EIF3K: variants seen among roughly 807,000 people sequenced by gnomAD.
The protein encoded by EIF3K is eukaryotic translation initiation factor 3 subunit K.
A neutral mutation model predicts 34.2 loss-of-function variants in EIF3K; 27 were observed. That is an observed-to-expected ratio of 0.79 (90% CI 0.58 to 1.09). EIF3K has a LOEUF of 1.09. Among genes scored for constraint, EIF3K ranks in the 50% least tolerant of loss-of-function variants. The pLI is 0.00. For missense variants in EIF3K, 232 were observed against 275.4 expected, an observed-to-expected ratio of 0.84 and a Z score of 1.11; for synonymous variants, 105 against 105.7, an observed-to-expected ratio of 0.99 and a Z score of 0.04.
intron 6 of EIF3K, 88 bp downstream of exon 6, chr19:38,632,766 C>A: frequency 2.4e-6 from 3 of 1,274,464 alleles, no homozygotes; most frequent in South Asian, 1.4e-5. Context: ...ACAGGCCTGT[C>A]TGGGTCTCAT....
At chr19:38,624,256 TGAATTCCCAGGGA>T (rs1975902884) in intron 3 of EIF3K, 59 bp downstream of exon 3, 1 of 1,608,238 alleles carries the variant, frequency 6.2e-7, no homozygotes, top group Admixed American at 1.7e-5. Context: ...TCAAGGTGCA[TGAATTCCCAGGGA>T]GATGGTCTGT....
chr19:38,635,024 C>G lies in EIF3K; in HGVS notation c.531C>G (p.Tyr177Ter), dbSNP rs150144747. Residue 177 changes from tyrosine (Y) to a stop codon, truncating the protein, a stop_gained, in exon 7 of 8, where the codon TAC (tyrosine) becomes TAG (stop). Transcript: ENST00000248342. LOFTEE classifies it high-confidence loss of function. The part of the protein sequence containing the change: ...DSQLKVWMSK[Y>*]GWSADESGQI... ...AGCTAAAGGTGTGGATGAGCAAATA[C>G]GGCTGGAGTGCCGACGAGTCGGGGC... 2 of 1,614,160 alleles carry G rather than the reference C, an allele frequency of 1.2e-6. No homozygotes were observed. Among genetic ancestry groups the G allele is most frequent in the Non-Finnish European group, 1.7e-6 (2 of 1,180,050 alleles).
intron 2 of EIF3K, 25 bp from the exon 3 acceptor site, chr19:38,624,052 C>T (rs780828869): frequency 6.2e-7 from 1 of 1,613,830 alleles, no homozygotes; most frequent in Non-Finnish European, 8.5e-7. Context: ...GCCACTGTGG[C>T]CACGTCTCTT....
chr19:38,622,621 C>T (rs1975866007), intron 2 of EIF3K, among the ~76,000 whole-genome samples: 1 of 152,210 alleles, frequency 6.6e-6, no homozygotes, highest in Non-Finnish European at 1.5e-5. Flanking sequence ...TATCAGGAGA[C>T]AGGGTTTTGA....
intron 6 of EIF3K, among the ~76,000 whole-genome samples, chr19:38,634,047 G>A (rs1450606184): frequency 2.0e-5 from 3 of 148,588 alleles, no homozygotes; most frequent in Non-Finnish European, 4.5e-5. Flanking sequence ...AAAGTACTGG[G>A]ATTACAGGCG....
intron 4 of EIF3K, among the ~76,000 whole-genome samples, chr19:38,629,492 C>T (rs1391196101): frequency 1.3e-5 from 2 of 152,096 alleles, no homozygotes; most frequent in Non-Finnish European, 2.9e-5. Flanking sequence ...GGTTGGATTT[C>T]GCCATGTTGA....
At chr19:38,631,361 A>G (rs2144777964) in intron 4 of EIF3K, among the ~76,000 whole-genome samples, 1 of 152,276 alleles carries the variant, frequency 6.6e-6, no homozygotes, top group African/African-American at 2.4e-5. Flanking sequence ...GTCATAGGAT[A>G]ATAGTGGAGA....
At chr19:38,634,887 A>AG in intron 6 of EIF3K, 106 bp from the exon 7 acceptor site, 1 of 1,520,680 alleles carries the variant, frequency 6.6e-7, no homozygotes, top group Non-Finnish European at 8.9e-7. Flanking sequence ...TCAGTGGGCA[A>AG]GGGGGGCTGC....
At chr19:38,635,242 G>C (rs1051168354) in intron 7 of EIF3K, 124 bp downstream of exon 7, 21 of 1,375,832 alleles carry the variant, frequency 1.5e-5, no homozygotes, top group African/African-American at 2.9e-5. Flanking sequence ...GTCTGCACCT[G>C]CCAGATTCCA....
intron 1 of EIF3K, 107 bp from the exon 2 acceptor site, chr19:38,620,230 T>G (rs1904726951): frequency 8.1e-6 from 7 of 860,740 alleles, no homozygotes; most frequent in Non-Finnish European, 1.3e-5. Context: ...GTGCCAGATT[T>G]AGAGGGGAAG....
chr19:38,624,111 G>T lies in EIF3K; in HGVS notation c.193G>T (p.Val65Phe), dbSNP rs1451207968. Reference protein sequence around the residue: ...QFNPAFFQTTVTAQILLKALT... With the variant: ...QFNPAFFQTTFTAQILLKALT... ...CAACCCAGCCTTCTTTCAGACCACG[G>T]TCACCGCCCAGATCCTGCTGAAGGC... Residue 65 changes from valine (V) to phenylalanine (F), a missense_variant, in exon 3 of 8, where the codon GTC (valine) becomes TTC (phenylalanine). Val to Phe is a conservative substitution (Grantham distance 50). Transcript: ENST00000248342. 2 of 1,614,024 alleles carry T rather than the reference G, an allele frequency of 1.2e-6. No homozygotes were observed. The highest frequency in any genetic ancestry group is 1.7e-6 in the Non-Finnish European group (2 of 1,180,040).
chr19:38,625,518 C>CTTTTTTTTTTTT (rs58008087), intron 3 of EIF3K, among the ~76,000 whole-genome samples: 27 of 145,828 alleles, frequency 1.9e-4, no homozygotes, highest in African/African-American at 6.6e-4. Context: ...TTAATATTTT[C>CTTTTTTTTTTTT]TTTTTTTTTG....
At chr19:38,634,134 C>T (rs1261982884) in intron 6 of EIF3K, among the ~76,000 whole-genome samples, 1 of 122,424 alleles carries the variant, frequency 8.2e-6, no homozygotes, top group Non-Finnish European at 1.6e-5. Context: ...GAGTCTGGCT[C>T]TGTCACCCAG....
intron 3 of EIF3K, among the ~76,000 whole-genome samples, 181 bp downstream of exon 3, chr19:38,624,378 C>T (rs1039894230): frequency 6.6e-6 from 1 of 152,106 alleles, no homozygotes; most frequent in Non-Finnish European, 1.5e-5. Flanking sequence ...TGGGCCCTGT[C>T]TTCACAAAGT....
rs571086594 is a variant in EIF3K at position 38,619,391 on chromosome 19, C to T, written c.59+64C>T. 1.4e-4 allele frequency: 229 copies of T among 1,584,854 alleles called. 3 individuals carry two copies. In the South Asian group the frequency reaches 2.4e-3, roughly 17 times the overall value. ...GGCGGAGGAGAGGGTTTTCCGGAGA[C>T]AGCAAGGGGTGTTCAGGGTCCTGGG... is the stretch of plus-strand genomic sequence containing the variant. On this transcript the variant is annotated intron_variant, in intron 1 of 7. Coordinates refer to ENST00000248342, the MANE Select transcript of EIF3K (RefSeq NM_013234.4).
Position 38,632,413 on chromosome 19 carries a change from A to G in EIF3K, c.355-17A>G, listed in dbSNP as rs1976089049. On this transcript the variant is annotated splice_polypyrimidine_tract_variant and intron_variant, in intron 4 of 7. Coordinates refer to ENST00000248342, the MANE Select transcript of EIF3K (RefSeq NM_013234.4). The stretch of plus-strand genomic sequence containing the variant: ...ATTTAAAAGAATAAACATTGTGAAC[A>G]TCAATTCCCATCACAGCAAGCCCTG... 6.2e-7 allele frequency: 1 copy of G among 1,610,140 alleles called. No individual in the cohort carries two copies. The highest frequency in any genetic ancestry group is 8.5e-7 in the Non-Finnish European group (1 of 1,176,440).
At chr19:38,633,688 CT>C (rs1322873760) in intron 6 of EIF3K, among the ~76,000 whole-genome samples, 1 of 141,970 alleles carries the variant, frequency 7.0e-6, no homozygotes, top group Non-Finnish European at 1.5e-5. Context: ...GAAACTCCAT[CT>C]AAAAAAAAAA....
intron 3 of EIF3K, among the ~76,000 whole-genome samples, chr19:38,624,831 A>C (rs1432525973): frequency 6.6e-6 from 1 of 152,144 alleles, no homozygotes; most frequent in Admixed American, 6.6e-5. Flanking sequence ...CATTCTATAG[A>C]ACAATGTCTG....
At chr19:38,624,026 T>C (rs139714123) in intron 2 of EIF3K, 51 bp from the exon 3 acceptor site, 359 of 1,612,278 alleles carry the variant, frequency 2.2e-4, no homozygotes, top group East Asian at 6.0e-4. Flanking sequence ...CTGGTGAGGA[T>C]TGGGGACTTG....
Sources: gnomAD v4.1 joint callset for allele counts (sites outside exome capture counted in the v4.1 genomes callset) on GRCh38, gnomAD v4.1.1 for gene constraint, MANE v1.5 for transcripts, NCBI Gene and HGNC (gene_info 2026-07-23, HGNC 2026-07-21) for gene names.